The following SAPCD2 variants were observed in gnomAD, a reference collection of about 807,000 sequenced individuals.
SAPCD2 encodes the protein suppressor APC domain-containing protein 2.
A neutral mutation model predicts 37.8 loss-of-function variants in SAPCD2; 34 were observed. The observed-to-expected ratio is 0.90, with a 90% CI of 0.68 to 1.20. The LOEUF (loss-of-function observed/expected upper bound fraction) is 1.20. SAPCD2 is among the 50% of genes most tolerant of loss of function. SAPCD2 has a pLI of 0.00. For synonymous variants in SAPCD2, 275 were observed against 270.3 expected, an observed-to-expected ratio of 1.02 and a Z score of -0.17; for missense variants, 572 against 584.7, an observed-to-expected ratio of 0.98 and a Z score of 0.22.
rs532240985 is a variant in SAPCD2 at position 137,065,316 on chromosome 9, G to A, written c.832-131C>T. 6.2e-5 allele frequency: 57 copies of A among 913,112 alleles called. No individual in the cohort carries two copies. In the African/African-American group the frequency reaches 8.0e-4, roughly 13 times the overall value. The allele number at this position is 913,112 out of a possible 1,614,324, so 56.6% of individuals were successfully genotyped here. ...GCAGAGAGCCTAGAGGGTCCCAGGG[G>A]CATTGCTGAGGTGGGAGGTCTGCCC... On this transcript the variant is annotated intron_variant, in intron 3 of 5. Transcript: ENST00000409687.
intron 2 of SAPCD2, 24 bp downstream of exon 2, chr9:137,066,238 C>A: frequency 6.4e-7 from 1 of 1,563,822 alleles, no homozygotes; most frequent in East Asian, 2.3e-5. Flanking sequence ...TGGAGAGCCC[C>A]ACAGAGCCCC....
intron 1 of SAPCD2, among the ~76,000 whole-genome samples, chr9:137,068,941 C>T (rs1280933660): frequency 6.6e-6 from 1 of 152,258 alleles, no homozygotes; most frequent in African/African-American, 2.4e-5. Context: ...GAGGCCAGGG[C>T]CGCCGTGGCT....
intron 3 of SAPCD2, 109 bp from the exon 4 acceptor site, chr9:137,065,294 G>T: frequency 1.1e-6 from 1 of 949,310 alleles, no homozygotes. Context: ...TGATGCTGCA[G>T]AGAGCCTAGA....
At position 137,070,287 on chromosome 9, in the gene SAPCD2, G is replaced by T. The variant is rs985446433; in HGVS notation, c.174C>A (p.Gly58=). 3 of 1,467,208 alleles carry T rather than the reference G, an allele frequency of 2.0e-6. No homozygotes were observed. The highest frequency in any genetic ancestry group is 2.9e-5 in the East Asian group (1 of 34,330). The allele number at this position is 1,467,208 out of a possible 1,614,324, so 90.9% of individuals were successfully genotyped here. The change falls in exon 1 of 6, where the codon GGC becomes GGA. Residue 58 remains glycine (G), a synonymous_variant. Transcript: ENST00000409687. ...CGCGGGGCAGCTCCCGCGCGTCGGTGCCCTGCCAGCGGGACTCGATCTCGC... is the reference window on the plus strand; with the variant it reads ...CGCGGGGCAGCTCCCGCGCGTCGGTTCCCTGCCAGCGGGACTCGATCTCGC... ...HLREIESRWQ[G]TDARELPRGV...
At chr9:137,066,043 G>A (rs935051956) in intron 2 of SAPCD2, among the ~76,000 whole-genome samples, 4 of 152,190 alleles carry the variant, frequency 2.6e-5, no homozygotes, top group African/African-American at 9.7e-5. Context: ...AGGCGGGCTG[G>A]GCAGCCACCA....
Position 137,064,185 on chromosome 9 carries a change from A to G in SAPCD2, c.*474T>C, listed in dbSNP as rs1333443868. 5 of 205,242 alleles carry G rather than the reference A, an allele frequency of 2.4e-5. No homozygotes were observed. The highest frequency in any genetic ancestry group is 3.2e-4 in the East Asian group (2 of 6,242). The allele number at this position is 205,242 out of a possible 1,614,324, so 12.7% of individuals were successfully genotyped here. On this transcript the variant is annotated 3_prime_UTR_variant, in exon 6 of 6. Coordinates refer to ENST00000409687, the MANE Select transcript of SAPCD2 (RefSeq NM_178448.4). ...ATCTACTTCCGTCCGTCCGAGCTAC[A>G]GCCACCTCGTCCTGGTGCCCTGGTT...
At position 137,070,554 on chromosome 9, in the gene SAPCD2, T is replaced by G; in HGVS notation, c.-94A>C. ...CGGCGAGCTCAGCCCACGGCGACAA[T>G]AGCGACTACTTTTGAATGGGGCCCT... On this transcript the variant is annotated 5_prime_UTR_variant, in exon 1 of 6. Transcript: ENST00000409687. 2.6e-6 allele frequency: 2 copies of G among 760,576 alleles called. No individual in the cohort carries two copies. Among genetic ancestry groups the G allele is most frequent in the South Asian group, 6.7e-5 (1 of 14,818 alleles). 47.1% of individuals were successfully genotyped at this position (760,576 alleles called of 1,614,324 possible).
chr9:137,066,445 C>CCA, intron 1 of SAPCD2, 71 bp from the exon 2 acceptor site: 1 of 1,166,050 alleles, frequency 8.6e-7, no homozygotes, highest in Non-Finnish European at 1.2e-6. Flanking sequence ...GGTGCAGCGG[C>CCA]CTCCACATCT....
In SAPCD2 at chr9:137,065,669, C is replaced by T. The variant is rs1832535225; in HGVS notation, c.685-1G>A. The T allele has an allele frequency of 6.2e-7, 1 of 1,601,202 alleles. No individual in the cohort carries two copies. The highest frequency in any genetic ancestry group is 1.7e-5 in the Admixed American group (1 of 59,064). On this transcript the variant is annotated splice_acceptor_variant, in intron 2 of 5. Coordinates refer to ENST00000409687, the MANE Select transcript of SAPCD2 (RefSeq NM_178448.4). LOFTEE classifies it high-confidence loss of function. ...GCTCCAGCTCCTTCATCTGCTTCAG[C>T]TGCAATACGTGCATTTACATGGAAT...
chr9:137,067,806 C>T (rs1832570429), intron 1 of SAPCD2, among the ~76,000 whole-genome samples: 1 of 120,038 alleles, frequency 8.3e-6, no homozygotes, highest in South Asian at 2.7e-4. Flanking sequence ...AAAAAAAGTC[C>T]CGCGTGTGTG....
intron 3 of SAPCD2, 137 bp downstream of exon 3, chr9:137,065,385 A>G (rs1186840070): frequency 6.8e-6 from 8 of 1,170,542 alleles, no homozygotes; most frequent in African/African-American, 1.6e-5. Context: ...CAGGCGGAGA[A>G]AGGGATGTCT....
rs1367533512 is a variant in SAPCD2 at position 137,070,224 on chromosome 9, G to A, written c.237C>T (p.Ser79=). The A allele has an allele frequency of 2.1e-6, 3 of 1,403,292 alleles. No homozygotes were observed. The highest frequency in any genetic ancestry group is 2.6e-5 in the Admixed American group (1 of 38,726). 86.9% of individuals were successfully genotyped at this position (1,403,292 alleles called of 1,614,324 possible). ...CGAAGCGCTCGAAGGTCAGGTAGCCGCTGGCCGGGGCCACCTGGCGCAAGC... is the reference window on the plus strand; with the variant it reads ...CGAAGCGCTCGAAGGTCAGGTAGCCACTGGCCGGGGCCACCTGGCGCAAGC... ...LEGLRQVAPA[S]GYLTFERFVA... Residue 79 remains serine, a synonymous_variant, in exon 1 of 6, where the codon AGC becomes AGT. Coordinates refer to ENST00000409687, the MANE Select transcript of SAPCD2 (RefSeq NM_178448.4).
chr9:137,070,336 C>T lies in SAPCD2; in HGVS notation c.125G>A (p.Arg42Gln). The change falls in exon 1 of 6, where the codon CGG becomes CAG. Residue 42 changes from arginine to glutamine, a missense_variant. Physicochemically the swap from Arg to Gln is conservative, Grantham distance 43 (BLOSUM62 1). Transcript: ENST00000409687. Reference sequence around the variant, plus strand: ...GCGCAGGTGCACGCAGCCGCGCCGCCGGTCGTCCAGGATGTCGAACAGGGT... The same window carrying T: ...GCGCAGGTGCACGCAGCCGCGCCGCTGGTCGTCCAGGATGTCGAACAGGGT... Reference protein sequence around the residue: ...LRTLFDILDDRRRGCVHLREI... With the variant: ...LRTLFDILDDQRRGCVHLREI... The T allele has an allele frequency of 6.8e-7, 1 of 1,472,376 alleles. No homozygotes were observed. Among genetic ancestry groups the T allele is most frequent in the Non-Finnish European group, 9.0e-7 (1 of 1,114,042 alleles). 91.2% of individuals were successfully genotyped at this position (1,472,376 alleles called of 1,614,324 possible). A position where few individuals can be genotyped will look rare whatever the true frequency, so the allele number is the denominator to read the frequency against.
intron 1 of SAPCD2, among the ~76,000 whole-genome samples, chr9:137,069,363 G>C (rs1832592315): frequency 6.6e-6 from 1 of 152,198 alleles, no homozygotes; most frequent in African/African-American, 2.4e-5. Context: ...CTTGGCAACA[G>C]GGCCAGGTCC....
Position 137,065,102 on chromosome 9 carries a change from C to G in SAPCD2, c.915G>C (p.Leu305=). The change falls in exon 4 of 6, where the codon CTG becomes CTC. Residue 305 remains leucine, a synonymous_variant. Transcript: ENST00000409687. ...CCCGGCTGGCACAGGCTGCAGCCAG[C>G]AGCTCCCCCAGGCACCGGGCCACCT... ...VQEVARCLGE[L]LAAACASRAL... The G allele has an allele frequency of 6.5e-7, 1 of 1,539,288 alleles. No individual in the cohort carries two copies.
Position 137,070,269 on chromosome 9 carries a change from C to T in SAPCD2, c.192G>A (p.Leu64=). The T allele has an allele frequency of 6.9e-7, 1 of 1,454,062 alleles. No individual in the cohort carries two copies. The highest frequency in any genetic ancestry group is 9.1e-7 in the Non-Finnish European group (1 of 1,104,788). 90.1% of individuals were successfully genotyped at this position (1,454,062 alleles called of 1,614,324 possible). A position where few individuals can be genotyped will look rare whatever the true frequency, so the allele number is the denominator to read the frequency against. ...SRWQGTDARE[L]PRGVLEGLRQ... ...GCAAGCCCTCCAGCACCCCGCGGGG[C>T]AGCTCCCGCGCGTCGGTGCCCTGCC... Residue 64 remains leucine (L), a synonymous_variant, in exon 1 of 6, where the codon CTG becomes CTA. Transcript: ENST00000409687.
Position 137,065,156 on chromosome 9 carries a change from T to G in SAPCD2, c.861A>C (p.Pro287=). Residue 287 remains proline (P), a synonymous_variant, in exon 4 of 6, where the codon CCA becomes CCC. Transcript: ENST00000409687. ...ADFGAAGSPR[P]LGRLLPKVQE... ...GTACCTTGGGCAGTAGCCGCCCCAGTGGGCGGGGGCTCCCTGCAGCCCCAA... is the reference window on the plus strand; with the variant it reads ...GTACCTTGGGCAGTAGCCGCCCCAGGGGGCGGGGGCTCCCTGCAGCCCCAA... The G allele has an allele frequency of 1.0e-5, 15 of 1,504,896 alleles. No homozygotes were observed. The highest frequency in any genetic ancestry group is 1.3e-5 in the Non-Finnish European group (15 of 1,127,726). 93.2% of individuals were successfully genotyped at this position (1,504,896 alleles called of 1,614,324 possible).
chr9:137,066,318 G>T lies in SAPCD2; in HGVS notation c.628C>A (p.Arg210Ser), dbSNP rs567953393. 1.2e-6 allele frequency: 2 copies of T among 1,609,874 alleles called. No individual in the cohort carries two copies. Among genetic ancestry groups the T allele is most frequent in the Non-Finnish European group, 1.7e-6 (2 of 1,179,070 alleles). Residue 210 changes from arginine to serine, a missense_variant, in exon 2 of 6, where the codon CGT becomes AGT. By Grantham distance (110) the Arg-to-Ser change is moderately radical (BLOSUM62 -1). Transcript: ENST00000409687. ...ADSGDARRAPRARGERRRHTI... is the reference protein window; with the variant it reads ...ADSGDARRAPSARGERRRHTI... ...TGCCTCCGACGTTCCCCTCGGGCAC[G>T]GGGAGCCCGCCGGGCATCCCCTGAG...
rs1224229124 is a variant in SAPCD2 at position 137,065,591 on chromosome 9, G to C, written c.762C>G (p.Asp254Glu). ...CTCGTTGCAGCTGCTGCTGGTACCA[G>C]TCGCGGCCCCGCGCCATCATCTCCA... ...QGLEMMARGR[D>E]WYQQQLQRVQ... The change falls in exon 3 of 6, where the codon GAC (aspartate) becomes GAG (glutamate). Residue 254 changes from aspartate to glutamate, a missense_variant. By Grantham distance (45) the Asp-to-Glu change is conservative. Transcript: ENST00000409687. The C allele has an allele frequency of 1.2e-6, 2 of 1,610,902 alleles. No homozygotes were observed. The highest frequency in any genetic ancestry group is 1.3e-5 in the African/African-American group (1 of 74,898).
Sources: allele counts gnomAD v4.1 joint callset (sites outside exome capture counted in the v4.1 genomes callset), GRCh38; gene constraint gnomAD v4.1.1; transcripts MANE v1.5; gene names NCBI Gene and HGNC (gene_info 2026-07-23, HGNC 2026-07-21).